TENM2: variants seen among roughly 807,000 people sequenced by gnomAD.
TENM2 encodes teneurin-2.
In TENM2, 52 loss-of-function variants were observed where a neutral mutation model predicts 245.2. That is an observed-to-expected ratio of 0.21 (90% CI 0.17 to 0.27). The LOEUF is 0.27. TENM2 is among the 10% of genes least tolerant of loss of function. TENM2 has a pLI of 1.00. For synonymous variants in TENM2, 1,363 were observed against 1,438.9 expected, an observed-to-expected ratio of 0.95 and a Z score of 1.19; for missense variants, 3,046 against 3,666.8, an observed-to-expected ratio of 0.83 and a Z score of 4.37.
intron 2 of TENM2, among the ~76,000 whole-genome samples, chr5:167,750,432 C>T (rs975995500): frequency 1.3e-5 from 2 of 152,070 alleles, no homozygotes; most frequent in Non-Finnish European, 2.9e-5. Context: ...CTGTAGTGGT[C>T]CTCTTCTTTT....
At chr5:167,489,020 T>C (rs953442112) in intron 2 of TENM2, among the ~76,000 whole-genome samples, 1 of 152,146 alleles carries the variant, frequency 6.6e-6, no homozygotes, top group Non-Finnish European at 1.5e-5. Flanking sequence ...GTAACCTAAC[T>C]ACCGCTGCCA....
At chr5:167,436,327 TC>T (rs926232207) in intron 2 of TENM2, among the ~76,000 whole-genome samples, 1 of 151,878 alleles carries the variant, frequency 6.6e-6, no homozygotes, top group Non-Finnish European at 1.5e-5. Flanking sequence ...CCTCAAGTGT[TC>T]CCCCCACCTC....
At chr5:167,153,712 T>C in the TENM2 span, among the ~76,000 whole-genome samples, 1 of 152,056 alleles carries the variant, frequency 6.6e-6, no homozygotes, top group Admixed American at 6.6e-5. Flanking sequence ...TCCAGATCAT[T>C]TGGCTTTAAG....
chr5:167,645,299 C>A (rs367878596), intron 2 of TENM2, among the ~76,000 whole-genome samples: 1 of 152,114 alleles, frequency 6.6e-6, no homozygotes, highest in East Asian at 1.9e-4. Flanking sequence ...GACTCATGAC[C>A]GGGTGAAGGA....
chr5:168,186,702 A>T (rs1760470123), intron 13 of TENM2: 2 of 152,202 alleles, frequency 1.3e-5, no homozygotes, highest in South Asian at 4.1e-4. Flanking sequence ...TAAATAAAGA[A>T]ATCGTCCATT....
the TENM2 span, among the ~76,000 whole-genome samples, chr5:167,246,777 GGT>G: frequency 3.9e-4 from 59 of 151,934 alleles, 1 homozygote; most frequent in Non-Finnish European, 5.2e-4. Flanking sequence ...GTTGGCGCGG[GGT>G]GTGGATGGGA....
At chr5:167,552,865 C>T (rs1257565165) in intron 2 of TENM2, among the ~76,000 whole-genome samples, 4 of 152,156 alleles carry the variant, frequency 2.6e-5, no homozygotes, top group Non-Finnish European at 5.9e-5. Flanking sequence ...ACTTAGTAAA[C>T]ACCTACTAGC....
chr5:167,275,266 G>A, the TENM2 span, among the ~76,000 whole-genome samples: 1 of 151,890 alleles, frequency 6.6e-6, no homozygotes, highest in Non-Finnish European at 1.5e-5. Context: ...GATTCCTGTG[G>A]CTCTATAAGT....
chr5:167,573,427 G>T (rs1774412265), intron 2 of TENM2, among the ~76,000 whole-genome samples: 1 of 151,998 alleles, frequency 6.6e-6, no homozygotes, highest in Admixed American at 6.6e-5. Flanking sequence ...AACAGAAGCT[G>T]CCAGACACTG....
intron 13 of TENM2, among the ~76,000 whole-genome samples, chr5:168,166,735 T>C (rs1581513467): frequency 6.6e-6 from 1 of 152,220 alleles, no homozygotes; most frequent in Non-Finnish European, 1.5e-5. Flanking sequence ...TTCTCTCCTA[T>C]GCATCTAGAA....
At chr5:167,519,441 T>C (rs756890114) in intron 2 of TENM2, among the ~76,000 whole-genome samples, 1 of 152,138 alleles carries the variant, frequency 6.6e-6, no homozygotes, top group Non-Finnish European at 1.5e-5. Flanking sequence ...AAACAAGTTC[T>C]TTCTCAGACA....
At chr5:167,472,710 A>G (rs1042828120) in intron 2 of TENM2, among the ~76,000 whole-genome samples, 1 of 152,074 alleles carries the variant, frequency 6.6e-6, no homozygotes, top group East Asian at 1.9e-4. Context: ...TAAAAGTTAG[A>G]AAAAAAACCT....
At chr5:167,297,891 A>G (rs556267322) in intron 1 of TENM2, among the ~76,000 whole-genome samples, 13 of 152,102 alleles carry the variant, frequency 8.5e-5, no homozygotes, top group African/African-American at 2.4e-4. Flanking sequence ...AAGGAATTTC[A>G]CAAGATAATG....
At chr5:167,698,985 T>TAAG (rs1406743017) in intron 2 of TENM2, among the ~76,000 whole-genome samples, 6 of 152,208 alleles carry the variant, frequency 3.9e-5, no homozygotes, top group Non-Finnish European at 7.4e-5. Flanking sequence ...CCCGGCCCCA[T>TAAG]AAGTACTTTT....
chr5:167,254,086 G>A, the TENM2 span, among the ~76,000 whole-genome samples: 57 of 151,598 alleles, frequency 3.8e-4, no homozygotes, highest in African/African-American at 9.0e-4. Flanking sequence ...AAAAGAAAAG[G>A]CATTTTCTAC....
At chr5:167,446,832 T>G (rs961096272) in intron 2 of TENM2, among the ~76,000 whole-genome samples, 19 of 132,490 alleles carry the variant, frequency 1.4e-4, no homozygotes, top group Admixed American at 3.0e-4. Flanking sequence ...CACACAGACA[T>G]ACATACAGAT....
At chr5:167,244,145 T>C in the TENM2 span, among the ~76,000 whole-genome samples, 1 of 152,214 alleles carries the variant, frequency 6.6e-6, no homozygotes, top group Non-Finnish European at 1.5e-5. Context: ...CAAGAACTTA[T>C]GTCATCCTTT....
At chr5:167,469,297 A>G (rs1766859358) in intron 2 of TENM2, among the ~76,000 whole-genome samples, 1 of 152,182 alleles carries the variant, frequency 6.6e-6, no homozygotes, top group Admixed American at 6.5e-5. Flanking sequence ...ATATTTTTCA[A>G]TGCAGAAATG....
At chr5:167,594,583 G>A (rs1030789720) in intron 2 of TENM2, among the ~76,000 whole-genome samples, 2 of 152,108 alleles carry the variant, frequency 1.3e-5, no homozygotes, top group Non-Finnish European at 2.9e-5. Flanking sequence ...AAATTACAAT[G>A]TTTTTATTTG....
Sources: gnomAD v4.1 joint callset for allele counts (sites outside exome capture counted in the v4.1 genomes callset) on GRCh38, gnomAD v4.1.1 for gene constraint, MANE v1.5 for transcripts, NCBI Gene and HGNC (gene_info 2026-07-23, HGNC 2026-07-21) for gene names.